The following OC90 variants were observed in gnomAD, a reference collection of about 807,000 sequenced individuals.
OC90 encodes otoconin-90.
Under a neutral mutation model 47.3 loss-of-function variants are expected in OC90, and 46 were observed. The ratio of observed to expected loss-of-function variants is 0.97; its 90% CI spans 0.77 to 1.24. The LOEUF is 1.24. Ranked by LOEUF, OC90 falls within the 50% of genes most tolerant of loss-of-function variation. The pLI is 0.00. For synonymous variants in OC90, 271 were observed against 219.5 expected (o/e 1.23, Z -2.07); for missense variants, 688 against 583.9 (o/e 1.18, Z -1.84).
chr8:132,032,063 C>A lies in OC90; in HGVS notation c.860-11G>T. 1 of 1,611,924 alleles carries A rather than the reference C, an allele frequency of 6.2e-7. No homozygotes were observed. The highest frequency in any genetic ancestry group is 8.5e-7 in the Non-Finnish European group (1 of 1,178,626). ...TGAATCTGTCACAGGCTGAAAGGAA[C>A]AGGAATTGTCAGGAGAGCAAGGACT... On this transcript the variant is annotated splice_polypyrimidine_tract_variant and intron_variant, in intron 11 of 13. Coordinates refer to ENST00000254627, the MANE Select transcript of OC90 (RefSeq NM_001080399.3).
chr8:132,055,613 C>A (rs1351870363), intron 1 of OC90, among the ~76,000 whole-genome samples: 1 of 152,208 alleles, frequency 6.6e-6, no homozygotes, highest in Non-Finnish European at 1.5e-5. Flanking sequence ...AGAAATAAAT[C>A]CGACAACCAC....
intron 5 of OC90, 134 bp downstream of exon 5, chr8:132,041,391 A>T: frequency 1.4e-6 from 1 of 729,422 alleles, no homozygotes; most frequent in Non-Finnish European, 2.3e-6. Flanking sequence ...CCCAACTAGT[A>T]GGTAGTGGAA....
chr8:132,047,871 A>G (rs1200176849), intron 2 of OC90, among the ~76,000 whole-genome samples: 1 of 152,214 alleles, frequency 6.6e-6, no homozygotes, highest in Non-Finnish European at 1.5e-5. Context: ...TCCAAAATTT[A>G]TATCTTCGTA....
chr8:132,041,391 A>C (rs879339117), intron 5 of OC90, 134 bp downstream of exon 5: 28 of 729,304 alleles, frequency 3.8e-5, no homozygotes, highest in Non-Finnish European at 6.4e-5. Context: ...CCCAACTAGT[A>C]GGTAGTGGAA....
chr8:132,054,134 G>T (rs1337950764), intron 2 of OC90, among the ~76,000 whole-genome samples: 8 of 152,186 alleles, frequency 5.3e-5, no homozygotes, highest in Admixed American at 2.0e-4. Flanking sequence ...CCAAGGCAGG[G>T]TTTGCACAGA....
In OC90 at chr8:132,041,097, T is replaced by C. The variant is rs1443402481; in HGVS notation, c.404A>G (p.Asp135Gly). 6.2e-7 allele frequency: 1 copy of C among 1,613,730 alleles called. No individual in the cohort carries two copies. Among genetic ancestry groups the C allele is most frequent in the Non-Finnish European group, 8.5e-7 (1 of 1,179,732 alleles). The change falls in exon 6 of 14, where the codon GAC (aspartate) becomes GGC (glycine). Residue 135 changes from aspartate (D) to glycine (G), a missense_variant. Asp to Gly is a moderately conservative substitution (Grantham distance 94, BLOSUM62 -1). Coordinates refer to ENST00000254627, the MANE Select transcript of OC90 (RefSeq NM_001080399.3). ...EEAAEMDCLQ[D>G]PAKLSTEVNC... is the part of the protein sequence containing the mutation. ...GACCTCTGTGCTAAGTTTGGCGGGG[T>C]CTTGGAGACAGTCCATCTCAGCGGC...
intron 4 of OC90, among the ~76,000 whole-genome samples, chr8:132,043,954 G>T (rs2130860034): frequency 6.6e-6 from 1 of 152,236 alleles, no homozygotes; most frequent in South Asian, 2.1e-4. Flanking sequence ...CCATCATAGT[G>T]TCCTGATAGT....
Position 132,024,458 on chromosome 8 carries a change from T to C in OC90, c.*23A>G, listed in dbSNP as rs1433431078. On this transcript the variant is annotated 3_prime_UTR_variant, in exon 14 of 14. Transcript: ENST00000254627. ...GGAGCAGGAGCCACGCTACTGAAGG[T>C]GTTAGCCATTTTCTCTGGGCATCTA... 16 of 1,515,024 alleles carry C rather than the reference T, an allele frequency of 1.1e-5. No homozygotes were observed. The highest frequency in any genetic ancestry group is 2.6e-5 in the South Asian group (2 of 76,738). The allele number at this position is 1,515,024 out of a possible 1,614,324, so 93.8% of individuals were successfully genotyped here. A position where few individuals can be genotyped will look rare whatever the true frequency, so the allele number is the denominator to read the frequency against.
chr8:132,029,952 C>G (rs1822850339), intron 12 of OC90, among the ~76,000 whole-genome samples: 1 of 152,214 alleles, frequency 6.6e-6, no homozygotes, highest in African/African-American at 2.4e-5. Flanking sequence ...ACAGCTCCAG[C>G]AGGGATAAGT....
At chr8:132,035,142 A>G (rs1057364274) in intron 9 of OC90, among the ~76,000 whole-genome samples, 1 of 152,222 alleles carries the variant, frequency 6.6e-6, no homozygotes, top group Admixed American at 6.5e-5. Context: ...AAACTAAAAG[A>G]AAAGTACATT....
intron 2 of OC90, among the ~76,000 whole-genome samples, chr8:132,054,340 G>C (rs1178505358): frequency 6.6e-6 from 1 of 152,116 alleles, no homozygotes; most frequent in Non-Finnish European, 1.5e-5. Context: ...CTTTCTGAAG[G>C]TCTCTACCTT....
At chr8:132,041,211 G>A in intron 5 of OC90, 55 bp from the exon 6 acceptor site, 7 of 1,068,154 alleles carry the variant, frequency 6.6e-6, no homozygotes, top group South Asian at 6.3e-5. Context: ...GTGAGGGAGG[G>A]CAGGCAGCTC....
intron 13 of OC90, among the ~76,000 whole-genome samples, chr8:132,025,446 G>T (rs1410927114): frequency 6.6e-6 from 1 of 152,180 alleles, no homozygotes; most frequent in Non-Finnish European, 1.5e-5. Flanking sequence ...CTTCTTCTGA[G>T]GGTGCTAGAC....
In OC90 at chr8:132,034,585, G is replaced by A. The variant is rs543049645; in HGVS notation, c.733+196C>T. 5.9e-5 allele frequency among the ~76,000 whole-genome samples: 9 copies of A among 152,308 alleles called. No individual in the cohort carries two copies. The South Asian group carries it at 1.9e-3, about 32-fold the overall frequency. On this transcript the variant is annotated intron_variant, in intron 10 of 13. Coordinates refer to ENST00000254627, the MANE Select transcript of OC90 (RefSeq NM_001080399.3). ...CCCCTCACTCTCTTTAGATCAGGGT[G>A]TTTGGTGTTAATCACCCTCCCTGGA...
intron 2 of OC90, among the ~76,000 whole-genome samples, chr8:132,049,019 A>G (rs1249200157): frequency 6.6e-6 from 1 of 151,596 alleles, no homozygotes. Context: ...TTTGCTCCCC[A>G]AGATAATTCC....
intron 10 of OC90, among the ~76,000 whole-genome samples, 191 bp from the exon 11 acceptor site, chr8:132,033,355 T>G (rs1822906006): frequency 6.6e-6 from 1 of 152,208 alleles, no homozygotes; most frequent in South Asian, 2.1e-4. Flanking sequence ...TTTTCTATGA[T>G]AACCTTAACA....
chr8:132,045,089 A>G (rs1823112818), intron 3 of OC90, among the ~76,000 whole-genome samples: 1 of 152,208 alleles, frequency 6.6e-6, no homozygotes, highest in Non-Finnish European at 1.5e-5. Context: ...CTAAATGCCA[A>G]GTGTGGCCTG....
At chr8:132,050,106 G>C (rs1823192135) in intron 2 of OC90, among the ~76,000 whole-genome samples, 1 of 152,122 alleles carries the variant, frequency 6.6e-6, no homozygotes, top group South Asian at 2.1e-4. Context: ...CTGTTGGATA[G>C]AATGGAAGTA....
chr8:132,034,921 A>G, intron 9 of OC90, 87 bp from the exon 10 acceptor site: 1 of 909,072 alleles, frequency 1.1e-6, no homozygotes, highest in Non-Finnish European at 1.8e-6. Context: ...CCCACTGCAC[A>G]CAGGCAGCCA....
Sources: gnomAD v4.1 joint callset for allele counts (sites outside exome capture counted in the v4.1 genomes callset) on GRCh38, gnomAD v4.1.1 for gene constraint, MANE v1.5 for transcripts, NCBI Gene and HGNC (gene_info 2026-07-23, HGNC 2026-07-21) for gene names.